Variants in SEMA5A observed in about 807,000 individuals in gnomAD.
The protein encoded by SEMA5A is semaphorin-5A.
Under a neutral mutation model 135.5 loss-of-function variants are expected in SEMA5A, and 55 were observed. That is an observed-to-expected ratio of 0.41 (90% confidence interval 0.33 to 0.51). SEMA5A has a LOEUF of 0.51. SEMA5A is among the 20% of genes least tolerant of loss of function. The pLI, the probability that SEMA5A is intolerant of heterozygous loss-of-function variation, is 0.37. For missense variants in SEMA5A, 1,290 were observed against 1,419.9 expected, an observed-to-expected ratio of 0.91 and a Z score of 1.47; for synonymous variants, 580 against 546.5, an observed-to-expected ratio of 1.06 and a Z score of -0.85.
chr5:9,218,417 TAA>T (rs765020539), intron 8 of SEMA5A, among the ~76,000 whole-genome samples: 2 of 152,144 alleles, frequency 1.3e-5, no homozygotes, highest in African/African-American at 2.4e-5. Context: ...GAGCACGCAG[TAA>T]AAGTTAGTGA....
intron 21 of SEMA5A, among the ~76,000 whole-genome samples, chr5:9,046,995 T>C (rs1736296322): frequency 6.6e-6 from 1 of 152,198 alleles, no homozygotes; most frequent in Non-Finnish European, 1.5e-5. Flanking sequence ...CTTGACTCTG[T>C]CTTGAAGCCT....
intron 1 of SEMA5A, among the ~76,000 whole-genome samples, chr5:9,468,921 G>A (rs902679134): frequency 3.3e-5 from 5 of 152,178 alleles, no homozygotes; most frequent in Non-Finnish European, 5.9e-5. Flanking sequence ...TTCCACTTTC[G>A]TATGTTGTAA....
At chr5:9,516,335 T>C (rs1347296689) in intron 1 of SEMA5A, among the ~76,000 whole-genome samples, 2 of 151,972 alleles carry the variant, frequency 1.3e-5, no homozygotes, top group Non-Finnish European at 2.9e-5. Flanking sequence ...GTTTTGCCCA[T>C]CACATGGAGA....
In SEMA5A at chr5:9,492,119, A is replaced by G. The variant is rs140335676; in HGVS notation, c.-175+53465T>C. Among the ~76,000 whole-genome samples the G allele has an allele frequency of 3.2e-3, 490 of 152,306 alleles. 2 individuals are homozygous for G. In the South Asian group the frequency reaches 0.042, roughly 13 times the overall value. Reference sequence around the variant, plus strand: ...TCTTGGAACTGCGGACCCATCAACAAACAAATCAGATAAGCAATGGAGCTC... The same window carrying G: ...TCTTGGAACTGCGGACCCATCAACAGACAAATCAGATAAGCAATGGAGCTC... On this transcript the variant is annotated intron_variant, in intron 1 of 22. Transcript: ENST00000382496.
intron 3 of SEMA5A, among the ~76,000 whole-genome samples, chr5:9,371,140 T>C (rs137890287): frequency 1.2e-4 from 18 of 152,270 alleles, no homozygotes; most frequent in South Asian, 2.1e-4. Context: ...TAATAAAAAC[T>C]ATCTCCCTAT....
chr5:9,402,624 C>T (rs1324537819), intron 2 of SEMA5A, among the ~76,000 whole-genome samples: 2 of 152,134 alleles, frequency 1.3e-5, no homozygotes, highest in Admixed American at 6.6e-5. Context: ...GTACCATCTA[C>T]TCATCAAGGT....
chr5:9,290,344 G>T (rs1329864405), intron 5 of SEMA5A, among the ~76,000 whole-genome samples: 1 of 152,080 alleles, frequency 6.6e-6, no homozygotes, highest in Non-Finnish European at 1.5e-5. Context: ...TAGAATAATG[G>T]TTTCCAGGTC....
chr5:9,524,424 G>T (rs536369664), intron 1 of SEMA5A, among the ~76,000 whole-genome samples: 1 of 152,108 alleles, frequency 6.6e-6, no homozygotes, highest in Admixed American at 6.5e-5. Context: ...AGCACTCCAC[G>T]TGACTACTGA....
intron 12 of SEMA5A, among the ~76,000 whole-genome samples, chr5:9,145,615 T>C (rs1742285083): frequency 6.6e-6 from 1 of 151,178 alleles, no homozygotes; most frequent in Non-Finnish European, 1.5e-5. Flanking sequence ...GCAGGAGGCC[T>C]GTGGAGTAGA....
chr5:9,197,728 TTGTGTGTGTGTGTG>T (rs70943946), intron 9 of SEMA5A, among the ~76,000 whole-genome samples: 7,330 of 59,016 alleles, frequency 0.12, 283 homozygotes, highest in South Asian at 0.24. Flanking sequence ...GGAAAGCTGT[TTGTGTGTGTGTGTG>T]TGTGTGTGTG....
chr5:9,246,951 A>G (rs1748512591), intron 5 of SEMA5A, among the ~76,000 whole-genome samples: 1 of 152,194 alleles, frequency 6.6e-6, no homozygotes, highest in South Asian at 2.1e-4. Context: ...CCCTAAAACA[A>G]AAAGAAATTT....
intron 11 of SEMA5A, among the ~76,000 whole-genome samples, chr5:9,185,793 G>C (rs1744770807): frequency 6.6e-6 from 1 of 152,186 alleles, no homozygotes; most frequent in Non-Finnish European, 1.5e-5. Context: ...ATCCTAGAAG[G>C]GAGAATAGAA....
chr5:9,121,419 T>C (rs1740806849), intron 14 of SEMA5A, among the ~76,000 whole-genome samples: 1 of 152,242 alleles, frequency 6.6e-6, no homozygotes, highest in African/African-American at 2.4e-5. Context: ...AAATAACTAC[T>C]AGTTGCATTG....
intron 18 of SEMA5A, among the ~76,000 whole-genome samples, chr5:9,060,430 G>T (rs1454449352): frequency 6.6e-6 from 1 of 152,148 alleles, no homozygotes; most frequent in African/African-American, 2.4e-5. Flanking sequence ...TGGAGCCCAG[G>T]GAGACAAGGG....
chr5:9,182,537 G>A (rs1579558641), intron 11 of SEMA5A, among the ~76,000 whole-genome samples: 1 of 151,948 alleles, frequency 6.6e-6, no homozygotes, highest in African/African-American at 2.4e-5. Context: ...ATGTCTATTT[G>A]AATAAAAATA....
chr5:9,326,479 C>T (rs971817612), intron 4 of SEMA5A, among the ~76,000 whole-genome samples: 3 of 151,740 alleles, frequency 2.0e-5, no homozygotes, highest in African/African-American at 7.2e-5. Context: ...GTCTTGAACT[C>T]CTGACCTCAG....
intron 5 of SEMA5A, among the ~76,000 whole-genome samples, chr5:9,279,297 T>C (rs1407685243): frequency 6.6e-6 from 1 of 152,224 alleles, no homozygotes; most frequent in African/African-American, 2.4e-5. Flanking sequence ...ACCCTTTGTT[T>C]TGGCCAATTT....
chr5:9,473,208 G>GA (rs34546257), intron 1 of SEMA5A, among the ~76,000 whole-genome samples: 43 of 125,184 alleles, frequency 3.4e-4, no homozygotes, highest in East Asian at 9.0e-4. Context: ...GCTAAAATAA[G>GA]AAAAAAAAAA....
intron 6 of SEMA5A, among the ~76,000 whole-genome samples, chr5:9,231,301 TA>T (rs1425448230): frequency 2.6e-5 from 4 of 151,838 alleles, no homozygotes; most frequent in Non-Finnish European, 5.9e-5. Flanking sequence ...CCATGCCTAC[TA>T]AAAATACAAA....
Sources: gnomAD v4.1 joint callset for allele counts (sites outside exome capture counted in the v4.1 genomes callset) on GRCh38, gnomAD v4.1.1 for gene constraint, MANE v1.5 for transcripts, NCBI Gene and HGNC (gene_info 2026-07-23, HGNC 2026-07-21) for gene names.